The following XYLB variants were observed in gnomAD, a reference collection of about 807,000 sequenced individuals.
The protein encoded by XYLB is xylulose kinase.
In XYLB, 62 loss-of-function variants were observed where a neutral mutation model predicts 78.7. The observed-to-expected ratio is 0.79, with a 90% CI of 0.64 to 0.97. The LOEUF (loss-of-function observed/expected upper bound fraction) is 0.97. Among genes scored for constraint, XYLB ranks in the 50% least tolerant of loss-of-function variants. The probability of loss-of-function intolerance (pLI) is 0.00; values close to 1 mark genes in which losing one functional copy is unlikely to be tolerated. For missense variants in XYLB, 687 were observed against 676.8 expected, an observed-to-expected ratio of 1.02 and a Z score of -0.17; for synonymous variants, 245 against 247.4, an observed-to-expected ratio of 0.99 and a Z score of 0.09.
chr3:38,389,163 C>T lies in XYLB; in HGVS notation c.1292-6342C>T, dbSNP rs1329251563. Among the ~76,000 whole-genome samples the T allele has an allele frequency of 9.5e-5, 14 of 146,654 alleles. No homozygotes were observed. The East Asian group carries it at 2.8e-3, about 29-fold the overall frequency. ...TGATGACTCTTAACGAGCATGCTGC[C>T]TTCAAGCATCTGTTTAACAAAGCAC... is the stretch of plus-strand genomic sequence containing the variant. On this transcript the variant is annotated intron_variant, in intron 15 of 18. Transcript: ENST00000207870.
intron 7 of XYLB, 104 bp from the exon 8 acceptor site, chr3:38,368,081 A>G (rs371567251): frequency 1.9e-5 from 20 of 1,049,798 alleles, no homozygotes; most frequent in East Asian, 4.8e-5. Flanking sequence ...CAAAGTTTCC[A>G]CTTCCCTCTC....
intron 17 of XYLB, among the ~76,000 whole-genome samples, chr3:38,398,777 C>A (rs545043383): frequency 5.3e-5 from 8 of 150,750 alleles, no homozygotes; most frequent in Non-Finnish European, 1.2e-4. Flanking sequence ...GTAATCCCAG[C>A]ACTTTGGGAG....
the XYLB span, chr3:38,452,841 C>T: frequency 1.3e-5 from 2 of 152,314 alleles, no homozygotes; most frequent in East Asian, 3.9e-4. Context: ...AAAACTGAGG[C>T]TCAGAGAAGT....
downstream of XYLB, among the ~76,000 whole-genome samples, chr3:38,422,016 CA>C (rs1575559709): frequency 3.3e-5 from 5 of 152,282 alleles, no homozygotes; most frequent in East Asian, 9.7e-4. Context: ...ACCTGATCAA[CA>C]GGGAAATATT....
intron 15 of XYLB, among the ~76,000 whole-genome samples, chr3:38,381,120 G>A (rs989867300): frequency 2.8e-4 from 42 of 152,296 alleles, no homozygotes; most frequent in African/African-American, 8.9e-4. Context: ...GACCCCAAAC[G>A]GAGGGACTGG....
Position 38,379,217 on chromosome 3 carries a change from A to C in XYLB, c.1195-29A>C, listed in dbSNP as rs2070987. ...CACGAATGGACAATGAGAGTTCCTT[A>C]CTCTGTGCCCACCTTTTCCTGGAGA... On this transcript the variant is annotated intron_variant, in intron 14 of 18. Coordinates refer to ENST00000207870, the MANE Select transcript of XYLB (RefSeq NM_005108.4). The C allele has an allele frequency of 0.01, 16,465 of 1,609,608 alleles. 1,148 individuals carry two copies. The East Asian group carries it at 0.21, about 21-fold the overall frequency.
chr3:38,371,857 G>T (rs960670823), intron 9 of XYLB, among the ~76,000 whole-genome samples: 1 of 152,202 alleles, frequency 6.6e-6, no homozygotes, highest in African/African-American at 2.4e-5. Flanking sequence ...TTTCTGACCC[G>T]CTTTCTGACG....
chr3:38,403,952 G>T (rs553415281), intron 18 of XYLB, among the ~76,000 whole-genome samples: 3 of 152,106 alleles, frequency 2.0e-5, no homozygotes, highest in Non-Finnish European at 2.9e-5. Flanking sequence ...GATTGTCAGC[G>T]TATGTGACTT....
Position 38,413,460 on chromosome 3 carries a change from G to T in XYLB, c.*447G>T. 6.4e-6 allele frequency: 1 copy of T among 155,082 alleles called. No individual in the cohort carries two copies. Among genetic ancestry groups the T allele is most frequent in the Non-Finnish European group, 1.4e-5 (1 of 70,572 alleles). The allele number at this position is 155,082 out of a possible 1,614,324, so 9.6% of individuals were successfully genotyped here. The stretch of plus-strand genomic sequence containing the variant: ...CCTCCACAAACCGTGACCCATAGCC[G>T]CCCCCACCCCATACCTTGATCTACC... On this transcript the variant is annotated 3_prime_UTR_variant, in exon 19 of 19. Transcript: ENST00000207870.
chr3:38,400,922 A>G lies in XYLB; in HGVS notation c.1470A>G (p.Ser490=), dbSNP rs1427544502. The G allele has an allele frequency of 6.2e-7, 1 of 1,614,140 alleles. No individual in the cohort carries two copies. The highest frequency in any genetic ancestry group is 8.5e-7 in the Non-Finnish European group (1 of 1,180,014). ...GLAGGTDVPF[S]EVVKLAPNPR... is the part of the protein sequence containing the mutation. The stretch of plus-strand genomic sequence containing the variant: ...CAGGTGGAACAGATGTGCCCTTTTC[A>G]GAGGTTGTGAAGTTAGCTCCAAATC... The change falls in exon 18 of 19, where the codon TCA becomes TCG. Residue 490 remains serine (S), a synonymous_variant. Transcript: ENST00000207870.
chr3:38,448,092 G>A, the XYLB span, among the ~76,000 whole-genome samples: 36 of 152,210 alleles, frequency 2.4e-4, no homozygotes, highest in Admixed American at 1.2e-3. Flanking sequence ...GTCATTGGCA[G>A]CATCGTGGAT....
At chr3:38,375,353 T>C (rs1357962779) in intron 12 of XYLB, 94 bp downstream of exon 12, 7 of 1,072,854 alleles carry the variant, frequency 6.5e-6, no homozygotes, top group Non-Finnish European at 9.7e-6. Flanking sequence ...TCCACTAAGC[T>C]CTGGAATGAC....
In XYLB at chr3:38,346,963, C is replaced by T. The variant is rs777357544; in HGVS notation, c.57+38C>T. On this transcript the variant is annotated intron_variant, in intron 1 of 18. Transcript: ENST00000207870. The stretch of plus-strand genomic sequence containing the variant: ...GGCCGCAGGGCCACGGGGCCGCCTC[C>T]TCCGCTTCGGTGGGGGTAGGGGGCG... 1.5e-5 allele frequency: 21 copies of T among 1,421,008 alleles called. 1 individual carries two copies. Among genetic ancestry groups the T allele is most frequent in the Middle Eastern group, 2.4e-4 (1 of 4,182 alleles). The allele number at this position is 1,421,008 out of a possible 1,614,324, so 88.0% of individuals were successfully genotyped here. A position where few individuals can be genotyped will look rare whatever the true frequency, so the allele number is the denominator to read the frequency against.
chr3:38,443,833 G>A, the XYLB span, among the ~76,000 whole-genome samples: 1 of 152,208 alleles, frequency 6.6e-6, no homozygotes, highest in Admixed American at 6.5e-5. Flanking sequence ...CTTTCCTTGA[G>A]TTATGGTGGA....
chr3:38,349,410 T>G (rs111581282), intron 2 of XYLB, among the ~76,000 whole-genome samples: 4,775 of 152,252 alleles, frequency 0.031, 122 homozygotes, highest in Middle Eastern at 0.061. Flanking sequence ...GTTTTGAAAA[T>G]ATCTCTCTGG....
intron 7 of XYLB, among the ~76,000 whole-genome samples, chr3:38,367,542 G>A (rs1162080449): frequency 6.6e-6 from 1 of 152,234 alleles, no homozygotes; most frequent in Non-Finnish European, 1.5e-5. Flanking sequence ...AGCCATTAAT[G>A]TAGGCTTTGG....
At chr3:38,428,026 G>A in the XYLB span, among the ~76,000 whole-genome samples, 2 of 152,238 alleles carry the variant, frequency 1.3e-5, no homozygotes, top group African/African-American at 4.8e-5. Flanking sequence ...ATTTTCATAT[G>A]TTCTGTTTCC....
downstream of XYLB, among the ~76,000 whole-genome samples, chr3:38,425,912 C>A (rs1046161480): frequency 6.6e-6 from 1 of 152,190 alleles, no homozygotes; most frequent in Non-Finnish European, 1.5e-5. Flanking sequence ...TGTGTGAATT[C>A]TTCCTTGTAT....
chr3:38,374,095 C>T lies in XYLB; in HGVS notation c.848-367C>T, dbSNP rs540379294. Reference sequence around the variant, plus strand: ...AGGGCACAGAGAGTGAACATAACCTCACCCCCTTCTTTTCCATTACTGCCT... The same window carrying T: ...AGGGCACAGAGAGTGAACATAACCTTACCCCCTTCTTTTCCATTACTGCCT... On this transcript the variant is annotated intron_variant, in intron 10 of 18. Coordinates refer to ENST00000207870, the MANE Select transcript of XYLB (RefSeq NM_005108.4). Among the ~76,000 whole-genome samples, 8 of 152,144 alleles carry T rather than the reference C, an allele frequency of 5.3e-5. No homozygotes were observed. The South Asian group carries it at 1.7e-3, about 32-fold the overall frequency.
Sources: gnomAD v4.1 joint callset for allele counts (sites outside exome capture counted in the v4.1 genomes callset) on GRCh38, gnomAD v4.1.1 for gene constraint, MANE v1.5 for transcripts, NCBI Gene and HGNC (gene_info 2026-07-23, HGNC 2026-07-21) for gene names.